PYGL: variants seen among roughly 807,000 people sequenced by gnomAD.
The protein encoded by PYGL is glycogen phosphorylase L.
In PYGL, 90 loss-of-function variants were observed where a neutral mutation model predicts 100.1. The observed-to-expected ratio is 0.90, with a 90% CI of 0.76 to 1.07. The LOEUF (loss-of-function observed/expected upper bound fraction) is 1.07. PYGL is among the 50% of genes least tolerant of loss of function. The pLI, the probability that PYGL is intolerant of heterozygous loss-of-function variation, is 0.00. For missense variants in PYGL, 1,016 were observed against 1,057.6 expected, an observed-to-expected ratio of 0.96 and a Z score of 0.55; for synonymous variants, 373 against 393.0, an observed-to-expected ratio of 0.95 and a Z score of 0.60.
At position 50,935,097 on chromosome 14, in the gene PYGL, T is replaced by A. The variant is rs372557637; in HGVS notation, c.424+10A>T. 1 of 1,598,178 alleles carries A rather than the reference T, an allele frequency of 6.3e-7. No homozygotes were observed. Among genetic ancestry groups the A allele is most frequent in the Non-Finnish European group, 8.6e-7 (1 of 1,165,554 alleles). On this transcript the variant is annotated intron_variant, in intron 3 of 19. Coordinates refer to ENST00000216392, the MANE Select transcript of PYGL (RefSeq NM_002863.5). ...GCCAGACAATATAATACACTCACAA[T>A]GTCACTTACCAGCAAGTCTCCCAAG... is the stretch of plus-strand genomic sequence containing the variant.
intron 2 of PYGL, 144 bp downstream of exon 2, chr14:50,937,592 T>G (rs1596052127): frequency 1.3e-6 from 1 of 747,182 alleles, no homozygotes; most frequent in East Asian, 2.5e-5. Flanking sequence ...TGATGTATAT[T>G]TCTAAAAGTT....
At chr14:50,931,930 G>A (rs935341787) in intron 3 of PYGL, among the ~76,000 whole-genome samples, 154 bp from the exon 4 acceptor site, 2 of 152,116 alleles carry the variant, frequency 1.3e-5, no homozygotes, top group African/African-American at 4.8e-5. Flanking sequence ...AATGGGTATT[G>A]ATTTTTAAAA....
intron 19 of PYGL, among the ~76,000 whole-genome samples, chr14:50,906,914 T>A (rs2050341654): frequency 6.6e-6 from 1 of 152,220 alleles, no homozygotes; most frequent in Admixed American, 6.5e-5. Flanking sequence ...TGATCCTTTT[T>A]AAAATCCCAG....
intron 19 of PYGL, among the ~76,000 whole-genome samples, chr14:50,906,456 C>A (rs117958038): frequency 5.9e-5 from 9 of 152,334 alleles, no homozygotes; most frequent in Admixed American, 5.2e-4. Flanking sequence ...AATGAATAGA[C>A]TTCCCAGTCA....
At chr14:50,908,775 C>A (rs1198100696) in intron 18 of PYGL, 46 bp downstream of exon 18, 2 of 1,528,972 alleles carry the variant, frequency 1.3e-6, no homozygotes, top group South Asian at 2.2e-5. Context: ...ATTTTCTTGT[C>A]CCCCTTTCAT....
chr14:50,908,170 A>AT, intron 19 of PYGL, 101 bp downstream of exon 19: 1 of 880,036 alleles, frequency 1.1e-6, no homozygotes, highest in South Asian at 1.4e-5. Flanking sequence ...TGGGGATCTG[A>AT]TATTACATGG....
intron 7 of PYGL, among the ~76,000 whole-genome samples, chr14:50,917,484 A>G (rs1280278143): frequency 6.6e-6 from 1 of 152,236 alleles, no homozygotes; most frequent in South Asian, 2.1e-4. Context: ...CCCAAGGCTC[A>G]GGAATTGGTA....
intron 3 of PYGL, among the ~76,000 whole-genome samples, chr14:50,934,746 T>C (rs2050637444): frequency 6.6e-6 from 1 of 152,096 alleles, no homozygotes; most frequent in African/African-American, 2.4e-5. Flanking sequence ...GAATTCTAAA[T>C]ACTAAACTGT....
In PYGL at chr14:50,935,109, G is replaced by T; in HGVS notation, c.422C>A (p.Ala141Asp). The change falls in exon 3 of 20, where the codon GCT (alanine) becomes GAT (aspartate). Residue 141 changes from alanine to aspartate, a missense_variant and splice_region_variant. By Grantham distance (126) the Ala-to-Asp change is moderately radical. Transcript: ENST00000216392. ...AATACACTCACAATGTCACTTACCAGCAAGTCTCCCAAGACCACCATTGCC... is the reference window on the plus strand; with the variant it reads ...AATACACTCACAATGTCACTTACCATCAAGTCTCCCAAGACCACCATTGCC... ...GLGNGGLGRL[A>D]ACFLDSMATL... 1 of 1,606,132 alleles carries T rather than the reference G, an allele frequency of 6.2e-7. No individual in the cohort carries two copies. The highest frequency in any genetic ancestry group is 1.1e-5 in the South Asian group (1 of 90,918).
chr14:50,926,469 T>A (rs1341863421), intron 4 of PYGL, among the ~76,000 whole-genome samples: 2 of 152,040 alleles, frequency 1.3e-5, no homozygotes, highest in African/African-American at 2.4e-5. Context: ...TGGCAACGCC[T>A]GTAATCCCAG....
intron 18 of PYGL, 103 bp downstream of exon 18, chr14:50,908,718 G>A: frequency 6.8e-7 from 1 of 1,477,700 alleles, no homozygotes; most frequent in Non-Finnish European, 9.4e-7. Flanking sequence ...GTTGGTTTAA[G>A]ATTGGTTTAA....
intron 5 of PYGL, chr14:50,921,325 C>G (rs762773699): frequency 6.2e-6 from 3 of 484,856 alleles, no homozygotes; most frequent in Non-Finnish European, 1.1e-5. Context: ...TATGTTGACT[C>G]TCCATGTGCC....
intron 1 of PYGL, among the ~76,000 whole-genome samples, chr14:50,938,591 C>G (rs1267304823): frequency 6.6e-6 from 1 of 152,214 alleles, no homozygotes; most frequent in Non-Finnish European, 1.5e-5. Flanking sequence ...CAAGAACCCT[C>G]TCTTGGAGTC....
intron 12 of PYGL, chr14:50,913,341 TA>T: frequency 3.6e-6 from 1 of 277,632 alleles, no homozygotes; most frequent in Non-Finnish European, 6.5e-6. Flanking sequence ...CAGCAGTTTT[TA>T]AAAATTATTT....
At chr14:50,916,518 C>A in intron 9 of PYGL, 124 bp downstream of exon 9, 1 of 883,456 alleles carries the variant, frequency 1.1e-6, no homozygotes, top group Non-Finnish European at 1.9e-6. Context: ...GGAAAATATA[C>A]CTTTAACTGT....
At chr14:50,934,597 T>C (rs1206691149) in intron 3 of PYGL, among the ~76,000 whole-genome samples, 1 of 152,122 alleles carries the variant, frequency 6.6e-6, no homozygotes, top group African/African-American at 2.4e-5. Flanking sequence ...TGTGTGTAAA[T>C]ATGTAGAAAA....
Position 50,913,669 on chromosome 14 carries a change from C to T in PYGL, c.1519-539G>A, listed in dbSNP as rs1032592003. Among the ~76,000 whole-genome samples the T allele has an allele frequency of 3.3e-5, 5 of 152,058 alleles. No homozygotes were observed. In the South Asian group the frequency reaches 8.3e-4, roughly 25 times the overall value. On this transcript the variant is annotated intron_variant, in intron 12 of 19. Transcript: ENST00000216392. ...GATTACACGTGTGAGCCACTGCACC[C>T]GGCCTAAAAATTATTTTTATTTTTA...
intron 5 of PYGL, among the ~76,000 whole-genome samples, chr14:50,921,968 G>T (rs1359725547): frequency 6.6e-6 from 1 of 152,214 alleles, no homozygotes; most frequent in Non-Finnish European, 1.5e-5. Context: ...CAAATCAGCT[G>T]ATAATTAGCT....
chr14:50,923,123 G>T (rs1596041988), intron 5 of PYGL: 1 of 152,288 alleles, frequency 6.6e-6, no homozygotes, highest in East Asian at 1.9e-4. Flanking sequence ...CCTTGCCTCT[G>T]TTGGCCCAGA....
Sources: allele counts gnomAD v4.1 joint callset (sites outside exome capture counted in the v4.1 genomes callset), GRCh38; gene constraint gnomAD v4.1.1; transcripts MANE v1.5; gene names NCBI Gene and HGNC (gene_info 2026-07-23, HGNC 2026-07-21).